Variants in ADGRB3 observed in about 807,000 individuals in gnomAD.
ADGRB3 encodes the protein adhesion G protein-coupled receptor B3.
A neutral mutation model predicts 193.4 loss-of-function variants in ADGRB3; 37 were observed. That is an observed-to-expected ratio of 0.19 (90% CI 0.15 to 0.25). The LOEUF (loss-of-function observed/expected upper bound fraction) is 0.25. Ranked by LOEUF, ADGRB3 falls within the 10% of genes least tolerant of loss-of-function variation. The pLI is 1.00. For missense variants in ADGRB3, 1,637 were observed against 1,852.9 expected (o/e 0.88, Z 2.14); for synonymous variants, 690 against 644.2 (o/e 1.07, Z -1.08).
chr6:69,088,100 A>G (rs1227337204), intron 17 of ADGRB3, among the ~76,000 whole-genome samples: 2 of 152,148 alleles, frequency 1.3e-5, no homozygotes, highest in Non-Finnish European at 2.9e-5. Flanking sequence ...GATCCTTCCT[A>G]TATGATCCAT....
At chr6:69,216,621 T>C (rs534694597) in intron 17 of ADGRB3, among the ~76,000 whole-genome samples, 1 of 152,240 alleles carries the variant, frequency 6.6e-6, no homozygotes, top group Admixed American at 6.5e-5. Context: ...AGCAAAGCCA[T>C]TCCAAGAACA....
chr6:69,293,253 C>T (rs1320544794), intron 20 of ADGRB3, among the ~76,000 whole-genome samples: 2 of 151,966 alleles, frequency 1.3e-5, no homozygotes, highest in African/African-American at 4.8e-5. Flanking sequence ...AAATACCTTG[C>T]TTGGGAATCC....
chr6:68,913,649 A>G (rs1766788242), intron 3 of ADGRB3, among the ~76,000 whole-genome samples: 1 of 152,222 alleles, frequency 6.6e-6, no homozygotes, highest in Non-Finnish European at 1.5e-5. Context: ...TCCTCCTCCA[A>G]AGGAACACAG....
intron 28 of ADGRB3, among the ~76,000 whole-genome samples, chr6:69,357,632 G>T (rs1769363331): frequency 6.6e-6 from 1 of 151,748 alleles, no homozygotes; most frequent in Non-Finnish European, 1.5e-5. Flanking sequence ...AGAATCTCAG[G>T]TCCTGTCATG....
At chr6:69,131,825 G>T (rs1198417121) in intron 17 of ADGRB3, among the ~76,000 whole-genome samples, 1 of 145,080 alleles carries the variant, frequency 6.9e-6, no homozygotes, top group Admixed American at 7.2e-5. Flanking sequence ...CCCTCCCTGT[G>T]TCCATGTTTT....
chr6:68,663,466 AC>A (rs1768719534), intron 3 of ADGRB3, among the ~76,000 whole-genome samples: 1 of 151,724 alleles, frequency 6.6e-6, no homozygotes, highest in Non-Finnish European at 1.5e-5. Context: ...ATAAAAATAT[AC>A]ATTTGAATTT....
intron 3 of ADGRB3, among the ~76,000 whole-genome samples, chr6:68,890,164 A>G (rs1219492227): frequency 2.0e-5 from 3 of 152,162 alleles, no homozygotes; most frequent in African/African-American, 2.4e-5. Flanking sequence ...TGCATCAAAG[A>G]TGTTATCTTA....
At chr6:68,707,231 G>A (rs988322562) in intron 3 of ADGRB3, among the ~76,000 whole-genome samples, 1 of 151,892 alleles carries the variant, frequency 6.6e-6, no homozygotes, top group East Asian at 1.9e-4. Context: ...TGGACTGATT[G>A]TCTAATGGAT....
chr6:68,904,803 C>T, intron 3 of ADGRB3, among the ~76,000 whole-genome samples: 1 of 152,166 alleles, frequency 6.6e-6, no homozygotes, highest in Non-Finnish European at 1.5e-5. Context: ...TCATATCTCT[C>T]TCATGATCTT....
At chr6:69,083,257 G>T (rs944797195) in intron 17 of ADGRB3, among the ~76,000 whole-genome samples, 2 of 152,038 alleles carry the variant, frequency 1.3e-5, no homozygotes, top group African/African-American at 4.8e-5. Flanking sequence ...TATATTTTCC[G>T]CTTTATTTTG....
intron 5 of ADGRB3, among the ~76,000 whole-genome samples, chr6:68,938,349 G>C (rs1228997420): frequency 6.6e-6 from 1 of 151,222 alleles, no homozygotes; most frequent in Non-Finnish European, 1.5e-5. Context: ...AAAACAAGTA[G>C]AAGTAAGGAC....
intron 4 of ADGRB3, among the ~76,000 whole-genome samples, chr6:68,935,840 T>C (rs890095766): frequency 2.6e-5 from 4 of 152,280 alleles, no homozygotes; most frequent in Middle Eastern, 3.4e-3. Context: ...TTTAATTCCA[T>C]ATCAAATTAA....
intron 17 of ADGRB3, among the ~76,000 whole-genome samples, chr6:69,164,832 T>A (rs933661494): frequency 2.0e-5 from 3 of 152,082 alleles, no homozygotes; most frequent in Non-Finnish European, 4.4e-5. Context: ...CATTGTCTGT[T>A]TTCTCTATTA....
chr6:69,207,587 T>A (rs535445918), intron 17 of ADGRB3, among the ~76,000 whole-genome samples: 1 of 152,318 alleles, frequency 6.6e-6, no homozygotes, highest in Non-Finnish European at 1.5e-5. Context: ...CAGTACCATA[T>A]ATTGGATGCT....
intron 17 of ADGRB3, among the ~76,000 whole-genome samples, chr6:69,167,614 T>C (rs749715672): frequency 6.6e-6 from 1 of 152,136 alleles, no homozygotes; most frequent in Non-Finnish European, 1.5e-5. Context: ...TTCTAAATAA[T>C]GTCTTTCAGG....
chr6:68,696,490 T>C (rs1237420990), intron 3 of ADGRB3, among the ~76,000 whole-genome samples: 1 of 151,812 alleles, frequency 6.6e-6, no homozygotes, highest in African/African-American at 2.4e-5. Flanking sequence ...AAATCACAAC[T>C]GAATTAACGA....
At chr6:68,951,527 A>G (rs1238014556) in intron 6 of ADGRB3, among the ~76,000 whole-genome samples, 1 of 152,098 alleles carries the variant, frequency 6.6e-6, no homozygotes, top group African/African-American at 2.4e-5. Context: ...TTATCACCAC[A>G]GCTCCCCCGT....
At chr6:69,306,396 C>T (rs533447018) in intron 20 of ADGRB3, among the ~76,000 whole-genome samples, 1 of 151,576 alleles carries the variant, frequency 6.6e-6, no homozygotes, top group African/African-American at 2.4e-5. Flanking sequence ...TGTGTTGCCT[C>T]TTCTCATTAA....
intron 3 of ADGRB3, among the ~76,000 whole-genome samples, chr6:68,734,555 A>G (rs938489332): frequency 1.5e-4 from 23 of 151,944 alleles, no homozygotes; most frequent in African/African-American, 5.6e-4. Context: ...TTTAAATTTT[A>G]CCCAGGGTGA....
Sources: gnomAD v4.1 joint callset for allele counts (sites outside exome capture counted in the v4.1 genomes callset) on GRCh38, gnomAD v4.1.1 for gene constraint, MANE v1.5 for transcripts, NCBI Gene and HGNC (gene_info 2026-07-23, HGNC 2026-07-21) for gene names.